DNAH9: variants seen among roughly 807,000 people sequenced by gnomAD.
DNAH9 encodes dynein axonemal heavy chain 9.
Under a neutral mutation model 471.6 loss-of-function variants are expected in DNAH9, and 345 were observed. The observed-to-expected ratio is 0.73, with a 90% confidence interval of 0.67 to 0.80. DNAH9 has a LOEUF of 0.80. Among genes scored for constraint, DNAH9 ranks in the 30% least tolerant of loss-of-function variants. The pLI is 0.00. For synonymous variants in DNAH9, 2,093 were observed against 2,123.6 expected, an observed-to-expected ratio of 0.99 and a Z score of 0.40; for missense variants, 5,407 against 5,609.2, an observed-to-expected ratio of 0.96 and a Z score of 1.15.
chr17:11,796,589 G>A (rs1029906047), intron 42 of DNAH9, among the ~76,000 whole-genome samples: 1 of 152,158 alleles, frequency 6.6e-6, no homozygotes, highest in African/African-American at 2.4e-5. Flanking sequence ...TATGCCCTGG[G>A]ACGTGTCCCT....
chr17:11,947,248 A>T (rs944124978), intron 67 of DNAH9, among the ~76,000 whole-genome samples: 2 of 152,192 alleles, frequency 1.3e-5, no homozygotes, highest in African/African-American at 4.8e-5. Flanking sequence ...CACTAACCAA[A>T]CTCACAAAAG....
intron 14 of DNAH9, among the ~76,000 whole-genome samples, chr17:11,661,361 AT>A (rs2073758732): frequency 6.6e-6 from 1 of 152,024 alleles, no homozygotes; most frequent in South Asian, 2.1e-4. Context: ...ATACAAATTT[AT>A]TTTTTTAAGT....
intron 26 of DNAH9, among the ~76,000 whole-genome samples, chr17:11,716,715 T>C (rs1004338388): frequency 4.6e-5 from 7 of 152,212 alleles, no homozygotes; most frequent in African/African-American, 1.7e-4. Context: ...CCCAAATTCC[T>C]GAGAGCCCTG....
At chr17:11,650,207 C>G (rs943589405) in intron 12 of DNAH9, among the ~76,000 whole-genome samples, 2 of 152,006 alleles carry the variant, frequency 1.3e-5, no homozygotes, top group African/African-American at 4.8e-5. Flanking sequence ...AAGAATTGAC[C>G]CAGAGTACTG....
intron 1 of DNAH9, among the ~76,000 whole-genome samples, chr17:11,602,154 T>C (rs1290556017): frequency 2.0e-5 from 3 of 152,174 alleles, no homozygotes; most frequent in Admixed American, 1.3e-4. Flanking sequence ...GCATAAGATT[T>C]GGAATCTCAC....
At chr17:11,716,569 C>T (rs946441629) in intron 26 of DNAH9, among the ~76,000 whole-genome samples, 6 of 152,182 alleles carry the variant, frequency 3.9e-5, no homozygotes, top group Non-Finnish European at 8.8e-5. Context: ...GATATTTTGA[C>T]ATTTCCCCCA....
At chr17:11,959,546 C>G (rs377150569) in intron 67 of DNAH9, among the ~76,000 whole-genome samples, 1 of 152,154 alleles carries the variant, frequency 6.6e-6, no homozygotes, top group Admixed American at 6.5e-5. Context: ...TTCTCAGAAG[C>G]CTGTGTACAC....
chr17:11,673,433 T>C (rs1354734970), intron 17 of DNAH9, among the ~76,000 whole-genome samples: 1 of 152,158 alleles, frequency 6.6e-6, no homozygotes, highest in African/African-American at 2.4e-5. Context: ...ATCTCCAACA[T>C]TATCAATTCT....
chr17:11,620,021 G>C, intron 6 of DNAH9: 1 of 503,646 alleles, frequency 2.0e-6, no homozygotes, highest in South Asian at 2.7e-5. Flanking sequence ...AACCAGCCGG[G>C]CCAACATGGC....
At chr17:11,691,129 C>T (rs1398338249) in intron 20 of DNAH9, among the ~76,000 whole-genome samples, 1 of 152,168 alleles carries the variant, frequency 6.6e-6, no homozygotes, top group Non-Finnish European at 1.5e-5. Flanking sequence ...CACGGGCTGT[C>T]CAGGCTTTGG....
chr17:11,899,717 G>A (rs181981559), intron 59 of DNAH9, among the ~76,000 whole-genome samples: 1 of 152,322 alleles, frequency 6.6e-6, no homozygotes, highest in African/African-American at 2.4e-5. Flanking sequence ...AAACTGGGAA[G>A]AGGGGGTGAG....
chr17:11,957,912 T>C (rs1975738538), intron 67 of DNAH9, among the ~76,000 whole-genome samples: 1 of 152,208 alleles, frequency 6.6e-6, no homozygotes, highest in South Asian at 2.1e-4. Context: ...AATATACCTA[T>C]AATTATCTCA....
chr17:11,671,463 G>T (rs1400725513), intron 17 of DNAH9, among the ~76,000 whole-genome samples: 4 of 152,146 alleles, frequency 2.6e-5, no homozygotes, highest in African/African-American at 9.7e-5. Flanking sequence ...GGAAGGAATA[G>T]ACAAGACATG....
chr17:11,871,851 G>T, intron 52 of DNAH9, 65 bp downstream of exon 52: 3 of 1,543,618 alleles, frequency 1.9e-6, no homozygotes, highest in Non-Finnish European at 1.8e-6. Flanking sequence ...AGACATCACG[G>T]TCATAATTCG....
intron 27 of DNAH9, 32 bp downstream of exon 27, chr17:11,719,522 G>A: frequency 6.3e-7 from 1 of 1,588,740 alleles, no homozygotes; most frequent in South Asian, 1.1e-5. Context: ...TGGGGGTGGG[G>A]GTGGGGGATA....
intron 6 of DNAH9, among the ~76,000 whole-genome samples, chr17:11,627,893 A>G (rs2072997895): frequency 6.6e-6 from 1 of 152,152 alleles, no homozygotes; most frequent in African/African-American, 2.4e-5. Flanking sequence ...CTGCTGCTGG[A>G]GTTGGTGTGT....
intron 2 of DNAH9, 31 bp from the exon 3 acceptor site, chr17:11,610,365 G>T (rs1207112979): frequency 1.3e-6 from 2 of 1,594,816 alleles, no homozygotes; most frequent in South Asian, 1.1e-5. Flanking sequence ...TGTTTTTGTT[G>T]TTATCATTGT....
chr17:11,855,151 C>G (rs1441173070), intron 50 of DNAH9, among the ~76,000 whole-genome samples: 1 of 152,068 alleles, frequency 6.6e-6, no homozygotes, highest in Non-Finnish European at 1.5e-5. Context: ...ATCCTCCCAC[C>G]TCAGCCTCCC....
chr17:11,633,264 T>G (rs2073102263), intron 8 of DNAH9, among the ~76,000 whole-genome samples: 1 of 152,228 alleles, frequency 6.6e-6, no homozygotes, highest in South Asian at 2.1e-4. Context: ...GCATGATATG[T>G]GTTCCACCAA....
Sources: allele counts gnomAD v4.1 joint callset (sites outside exome capture counted in the v4.1 genomes callset), GRCh38; gene constraint gnomAD v4.1.1; transcripts MANE v1.5; gene names NCBI Gene and HGNC (gene_info 2026-07-23, HGNC 2026-07-21).